NCAM1: variants seen among roughly 807,000 people sequenced by gnomAD.
NCAM1 encodes the protein antigen recognized by monoclonal antibody 5.1H11.
NCAM1 carries 14 observed loss-of-function variants against 109.8 expected under a neutral mutation model. That is an observed-to-expected ratio of 0.13 (90% CI 0.08 to 0.20). NCAM1 has a LOEUF of 0.20. Among genes scored for constraint, NCAM1 ranks in the 10% least tolerant of loss-of-function variants. The pLI is 1.00. For missense variants in NCAM1, 774 were observed against 1,109.9 expected (o/e 0.70, Z 4.30); for synonymous variants, 418 against 442.9 (o/e 0.94, Z 0.70).
chr11:113,050,604 AG>A (rs1304821417), intron 1 of NCAM1, among the ~76,000 whole-genome samples: 1 of 152,110 alleles, frequency 6.6e-6, no homozygotes, highest in East Asian at 1.9e-4. Context: ...GTTTGGAGTT[AG>A]GTAGTATGAT....
At chr11:113,189,139 C>G (rs868928535) in intron 1 of NCAM1, among the ~76,000 whole-genome samples, 1 of 152,044 alleles carries the variant, frequency 6.6e-6, no homozygotes, top group South Asian at 2.1e-4. Flanking sequence ...GAATTTGTCA[C>G]CTTGGTAGGG....
intron 1 of NCAM1, among the ~76,000 whole-genome samples, chr11:113,029,395 C>T (rs1444988124): frequency 2.0e-5 from 3 of 152,094 alleles, no homozygotes; most frequent in Non-Finnish European, 4.4e-5. Flanking sequence ...CATGTCCCAC[C>T]CCTTCTCAGT....
chr11:113,252,783 A>G (rs1555121614), intron 15 of NCAM1, among the ~76,000 whole-genome samples: 2 of 134,218 alleles, frequency 1.5e-5, no homozygotes, highest in African/African-American at 5.5e-5. Context: ...TTACAGGCAC[A>G]TGCCACTATG....
At chr11:113,089,116 C>A (rs782229040) in intron 1 of NCAM1, among the ~76,000 whole-genome samples, 36 of 152,194 alleles carry the variant, frequency 2.4e-4, no homozygotes, top group Admixed American at 4.6e-4. Context: ...AGTTTGAGAC[C>A]AGCCCGGCCA....
chr11:113,161,492 A>T (rs934616190), intron 1 of NCAM1, among the ~76,000 whole-genome samples: 2 of 152,220 alleles, frequency 1.3e-5, no homozygotes, highest in Non-Finnish European at 2.9e-5. Context: ...TCAAAAATAC[A>T]TGGGCTCCCT....
intron 1 of NCAM1, among the ~76,000 whole-genome samples, chr11:113,155,422 T>A (rs879961982): frequency 1.8e-4 from 27 of 151,300 alleles, no homozygotes; most frequent in Non-Finnish European, 5.9e-5. Context: ...GACAGGAGAA[T>A]CACTTGAACC....
intron 1 of NCAM1, among the ~76,000 whole-genome samples, chr11:113,090,289 A>C (rs573370578): frequency 6.6e-6 from 1 of 152,348 alleles, no homozygotes; most frequent in South Asian, 2.1e-4. Context: ...ATTATTACTT[A>C]GAGTATTACT....
At chr11:113,011,184 T>C (rs7942857) in intron 1 of NCAM1, among the ~76,000 whole-genome samples, 61,438 of 138,386 alleles carry the variant, frequency 0.44, 14,208 homozygotes, top group East Asian at 0.79. Context: ...CATTGTTCAA[T>C]TCCCACCAAT....
At chr11:112,988,014 A>G (rs1451163875) in intron 1 of NCAM1, among the ~76,000 whole-genome samples, 1 of 151,998 alleles carries the variant, frequency 6.6e-6, no homozygotes, top group African/African-American at 2.4e-5. Flanking sequence ...CTAGTGGCAT[A>G]CGTCTTGATT....
At chr11:113,248,226 A>G (rs1222629341) in intron 15 of NCAM1, among the ~76,000 whole-genome samples, 2 of 87,836 alleles carry the variant, frequency 2.3e-5, no homozygotes, top group Non-Finnish European at 5.5e-5. Flanking sequence ...TGTGGCCGGT[A>G]CCAAAAAAAA....
intron 1 of NCAM1, among the ~76,000 whole-genome samples, chr11:113,194,892 C>T (rs1555110552): frequency 6.6e-6 from 1 of 152,166 alleles, no homozygotes; most frequent in Non-Finnish European, 1.5e-5. Flanking sequence ...CAGATCACTT[C>T]TAGATGTTTA....
rs183842004 is a variant in NCAM1, at chr11:113,194,245, G to A, written c.53-8134G>A. On this transcript the variant is annotated intron_variant, in intron 1 of 19. Transcript: ENST00000316851. ...ATCATCCAGGGCTCGGTTGTGAAGG[G>A]ATATTCAATATCTTTTCTTCCTGAC... Among the ~76,000 whole-genome samples, 12 of 152,250 alleles carry A rather than the reference G, an allele frequency of 7.9e-5. No homozygotes were observed. In the East Asian group the frequency reaches 2.1e-3, roughly 27 times the overall value.
intron 15 of NCAM1, among the ~76,000 whole-genome samples, chr11:113,249,898 G>C (rs1555120943): frequency 6.6e-6 from 1 of 152,152 alleles, no homozygotes. Flanking sequence ...AATTCCTCAG[G>C]AAACTGGTGC....
chr11:113,125,486 T>C (rs1941137071), intron 1 of NCAM1, among the ~76,000 whole-genome samples: 1 of 152,224 alleles, frequency 6.6e-6, no homozygotes, highest in Non-Finnish European at 1.5e-5. Flanking sequence ...ACGTTTTGAT[T>C]ATATCAAAAC....
chr11:113,083,841 G>A (rs1306064340), intron 1 of NCAM1, among the ~76,000 whole-genome samples: 1 of 152,168 alleles, frequency 6.6e-6, no homozygotes, highest in African/African-American at 2.4e-5. Context: ...CCATGAGATG[G>A]TGTGTAGTTT....
At chr11:113,199,617 G>C (rs2574822) in intron 1 of NCAM1, among the ~76,000 whole-genome samples, 1 of 142,964 alleles carries the variant, frequency 7.0e-6, no homozygotes, top group African/African-American at 2.7e-5. Context: ...GGAACATCAC[G>C]CTCTGGGGAC....
intron 1 of NCAM1, among the ~76,000 whole-genome samples, chr11:112,964,040 T>A (rs1024136636): frequency 1.1e-4 from 16 of 151,714 alleles, no homozygotes; most frequent in Middle Eastern, 3.4e-3. Flanking sequence ...TAGTTTTTTT[T>A]TAAAAAAATC....
chr11:113,158,831 G>GT (rs1942504613), intron 1 of NCAM1, among the ~76,000 whole-genome samples: 1 of 152,194 alleles, frequency 6.6e-6, no homozygotes, highest in Non-Finnish European at 1.5e-5. Flanking sequence ...TAGGGTTGTT[G>GT]AGGGTATATT....
chr11:113,010,410 A>C (rs1322395766), intron 1 of NCAM1, among the ~76,000 whole-genome samples: 1 of 152,178 alleles, frequency 6.6e-6, no homozygotes, highest in African/African-American at 2.4e-5. Context: ...CTTGATTTTA[A>C]TTGCTTCATT....
Sources: gnomAD v4.1 joint callset for allele counts (sites outside exome capture counted in the v4.1 genomes callset) on GRCh38, gnomAD v4.1.1 for gene constraint, MANE v1.5 for transcripts, NCBI Gene and HGNC (gene_info 2026-07-23, HGNC 2026-07-21) for gene names.